Variants in FRRS1L observed in about 807,000 individuals in gnomAD.
FRRS1L encodes ferric chelate reductase 1 like, also known as DOMON domain-containing protein FRRS1L.
A neutral mutation model predicts 28.6 loss-of-function variants in FRRS1L; 22 were observed. That is an observed-to-expected ratio of 0.77 (90% CI 0.55 to 1.10). The LOEUF (loss-of-function observed/expected upper bound fraction) is 1.10, where lower values mean the gene tolerates loss of function less well. Among genes scored for constraint, FRRS1L ranks in the 50% least tolerant of loss-of-function variants. The pLI, the probability that FRRS1L is intolerant of heterozygous loss-of-function variation, is 0.00. For synonymous variants in FRRS1L, 158 were observed against 151.4 expected, an observed-to-expected ratio of 1.04 and a Z score of -0.32; for missense variants, 380 against 386.9, an observed-to-expected ratio of 0.98 and a Z score of 0.15.
intron 4 of FRRS1L, chr9:109,138,008 A>G (rs1831136415): frequency 6.5e-6 from 1 of 153,020 alleles, no homozygotes; most frequent in Non-Finnish European, 1.5e-5. Context: ...TGGGCAAACT[A>G]TATTTTTATT....
chr9:109,161,365 T>G (rs907071475), intron 1 of FRRS1L, among the ~76,000 whole-genome samples: 1 of 151,816 alleles, frequency 6.6e-6, no homozygotes, highest in East Asian at 1.9e-4. Flanking sequence ...GGCTTGGGGG[T>G]TTTTTAAAAA....
chr9:109,155,740 T>G (rs1831396068), intron 1 of FRRS1L, among the ~76,000 whole-genome samples: 1 of 148,256 alleles, frequency 6.7e-6, no homozygotes, highest in Admixed American at 6.7e-5. Flanking sequence ...ACACAAATAT[T>G]GAATCAGAAA....
intron 1 of FRRS1L, among the ~76,000 whole-genome samples, chr9:109,163,215 T>G (rs1831501274): frequency 6.6e-6 from 1 of 152,200 alleles, no homozygotes; most frequent in Non-Finnish European, 1.5e-5. Context: ...ATTCTATCAT[T>G]GCTCTGAATA....
At chr9:109,165,408 A>AGG (rs1035101892) in intron 1 of FRRS1L, among the ~76,000 whole-genome samples, 2 of 152,208 alleles carry the variant, frequency 1.3e-5, no homozygotes, top group Non-Finnish European at 2.9e-5. Flanking sequence ...ACAAAGCCTC[A>AGG]GGGGGATGGC....
Position 109,166,904 on chromosome 9 carries a change from C to T in FRRS1L, c.235G>A (p.Glu79Lys). Residue 79 changes from glutamate to lysine, a missense_variant, in exon 1 of 5, where the codon GAG becomes AAG. Glu to Lys is a moderately conservative substitution (Grantham distance 56). Transcript: ENST00000561981. ...EFYDLRYLSEEGYPFPTAPPV... is the reference protein window; with the variant it reads ...EFYDLRYLSEKGYPFPTAPPV... ...CCTCGCCCTCCCGCAGCCTCACCCT[C>T]CTCCGACAGGTAGCGCAGGTCGTAG... 7.5e-7 allele frequency: 1 copy of T among 1,341,386 alleles called. No homozygotes were observed. Among genetic ancestry groups the T allele is most frequent in the Non-Finnish European group, 9.7e-7 (1 of 1,034,266 alleles). 83.1% of individuals were successfully genotyped at this position (1,341,386 alleles called of 1,614,324 possible).
intron 3 of FRRS1L, among the ~76,000 whole-genome samples, chr9:109,145,218 C>T (rs970948977): frequency 1.3e-5 from 2 of 152,306 alleles, no homozygotes; most frequent in Non-Finnish European, 2.9e-5. Flanking sequence ...CAGCAAGGCA[C>T]AGGGAAGAGC....
chr9:109,162,600 AG>A (rs1034431484), intron 1 of FRRS1L, among the ~76,000 whole-genome samples: 1 of 152,242 alleles, frequency 6.6e-6, no homozygotes, highest in Non-Finnish European at 1.5e-5. Context: ...GGTACCCTAA[AG>A]CGGGGCCTGC....
At chr9:109,141,957 G>GAAAAAAAAAAAAAAAACAAAAAAAAA (rs534039812) in intron 3 of FRRS1L, among the ~76,000 whole-genome samples, 1 of 108,238 alleles carries the variant, frequency 9.2e-6, no homozygotes. Flanking sequence ...ACCAAAAAAA[G>GAAAAAAAAAAAAAAAACAAAAAAAAA]AAAAAAAAAA....
rs1366478529 is a variant in FRRS1L at position 109,131,092 on chromosome 9, T to C, written c.*6363A>G. 1 of 152,232 alleles carries C rather than the reference T, an allele frequency of 6.6e-6. No homozygotes were observed. The highest frequency in any genetic ancestry group is 2.4e-5 in the African/African-American group (1 of 41,464). 9.4% of individuals were successfully genotyped at this position (152,232 alleles called of 1,614,324 possible). ...AAGAGGAACTTATATGCAAGTCTTT[T>C]ATTAAATATAAAAACAAAGAAATCT... On this transcript the variant is annotated 3_prime_UTR_variant, in exon 5 of 5. Transcript: ENST00000561981.
At position 109,134,712 on chromosome 9, in the gene FRRS1L, G is replaced by A. The variant is rs145911329; in HGVS notation, c.*2743C>T. 2.6e-5 allele frequency: 4 copies of A among 152,246 alleles called. No individual in the cohort carries two copies. Among genetic ancestry groups the A allele is most frequent in the East Asian group, 3.9e-4 (2 of 5,188 alleles). The allele number at this position is 152,246 out of a possible 1,614,324, so 9.4% of individuals were successfully genotyped here. A position where few individuals can be genotyped will look rare whatever the true frequency, so the allele number is the denominator to read the frequency against. On this transcript the variant is annotated 3_prime_UTR_variant, in exon 5 of 5. Coordinates refer to ENST00000561981, the MANE Select transcript of FRRS1L (RefSeq NM_014334.4). ...AATTAGCTTGATTAGAAATGTAAGC[G>A]GAAGGAAGCTGCATTCACTTCTTCC...
chr9:109,159,551 G>A (rs1370747913), intron 1 of FRRS1L, among the ~76,000 whole-genome samples: 1 of 152,170 alleles, frequency 6.6e-6, no homozygotes. Flanking sequence ...TGTAATCCCA[G>A]CTACTTGGGA....
intron 3 of FRRS1L, 134 bp from the exon 4 acceptor site, chr9:109,141,723 AG>A: frequency 2.2e-6 from 2 of 907,348 alleles, no homozygotes; most frequent in South Asian, 3.5e-5. Context: ...GCCATTAAAA[AG>A]TCTCAACCAG....
intron 1 of FRRS1L, chr9:109,149,948 A>C: frequency 2.2e-6 from 1 of 449,004 alleles, no homozygotes; most frequent in Non-Finnish European, 4.0e-6. Context: ...TCCTTTTCTC[A>C]CTTTACAGGA....
At chr9:109,148,447 C>CACTT (rs1443326068) in intron 2 of FRRS1L, 1 of 152,158 alleles carries the variant, frequency 6.6e-6, no homozygotes, top group Non-Finnish European at 1.5e-5. Flanking sequence ...TCTTACAGAG[C>CACTT]ACTTGTGGAT....
intron 1 of FRRS1L, among the ~76,000 whole-genome samples, chr9:109,160,496 C>A (rs1163174951): frequency 1.2e-5 from 1 of 86,304 alleles, no homozygotes; most frequent in Non-Finnish European, 2.6e-5. Flanking sequence ...AAGTGATCCT[C>A]CTGCCTCAGC....
At chr9:109,156,625 G>A (rs1036190098) in intron 1 of FRRS1L, among the ~76,000 whole-genome samples, 2 of 150,912 alleles carry the variant, frequency 1.3e-5, no homozygotes, top group Non-Finnish European at 2.9e-5. Context: ...CCCTGACCTC[G>A]TGATCCGCCC....
chr9:109,159,689 C>T (rs10816773), intron 1 of FRRS1L, among the ~76,000 whole-genome samples: 115,106 of 152,102 alleles, frequency 0.76, 43,671 homozygotes, highest in Admixed American at 0.78. Flanking sequence ...AACATTTAAG[C>T]AGGTGGCCTT....
chr9:109,167,205 G>A lies in FRRS1L; in HGVS notation c.-67C>T. 1 of 1,298,890 alleles carries A rather than the reference G, an allele frequency of 7.7e-7. No homozygotes were observed. Among genetic ancestry groups the A allele is most frequent in the Non-Finnish European group, 9.8e-7 (1 of 1,019,934 alleles). The allele number at this position is 1,298,890 out of a possible 1,614,324, so 80.5% of individuals were successfully genotyped here. ...CGGGGGCGCCGCGGGCGCGGGCCGG[G>A]ACTGAGCCTCCGCCGAGGCCACCAG... On this transcript the variant is annotated 5_prime_UTR_variant, in exon 1 of 5. Transcript: ENST00000561981.
Position 109,131,102 on chromosome 9 carries a change from AAAAAC to A in FRRS1L, c.*6348_*6352del, listed in dbSNP as rs1831051775. 1 of 152,250 alleles carries A rather than the reference AAAAAC, an allele frequency of 6.6e-6. No individual in the cohort carries two copies. Among genetic ancestry groups the A allele is most frequent in the Non-Finnish European group, 1.5e-5 (1 of 68,044 alleles). The allele number at this position is 152,250 out of a possible 1,614,324, so 9.4% of individuals were successfully genotyped here. On this transcript the variant is annotated 3_prime_UTR_variant, in exon 5 of 5. Transcript: ENST00000561981. ...TATATGCAAGTCTTTTATTAAATATAAAAACAAAGAAATCTACCTTGAAACTAAAT... is the reference window on the plus strand; with the variant it reads ...TATATGCAAGTCTTTTATTAAATATAAAAGAAATCTACCTTGAAACTAAAT...
Sources: allele counts gnomAD v4.1 joint callset (sites outside exome capture counted in the v4.1 genomes callset), GRCh38; gene constraint gnomAD v4.1.1; transcripts MANE v1.5; gene names NCBI Gene and HGNC (gene_info 2026-07-23, HGNC 2026-07-21).